The following SYNE1 variants were observed in gnomAD, a reference collection of about 807,000 sequenced individuals.
SYNE1 encodes spectrin repeat containing nuclear envelope protein 1.
Under a neutral mutation model 1,111.0 loss-of-function variants are expected in SYNE1, and 616 were observed. The observed-to-expected ratio is 0.55, with a 90% confidence interval of 0.52 to 0.59. The LOEUF (loss-of-function observed/expected upper bound fraction) is 0.59, where lower values mean the gene tolerates loss of function less well. Among genes scored for constraint, SYNE1 ranks in the 20% least tolerant of loss-of-function variants. SYNE1 has a pLI of 0.00. For missense variants in SYNE1, 10,006 were observed against 10,417.0 expected, an observed-to-expected ratio of 0.96 and a Z score of 1.72; for synonymous variants, 3,855 against 3,825.8, an observed-to-expected ratio of 1.01 and a Z score of -0.28.
At chr6:152,268,218 C>G in intron 99 of SYNE1, 53 bp from the exon 100 acceptor site, 4 of 1,370,646 alleles carry the variant, frequency 2.9e-6, no homozygotes, top group Non-Finnish European at 3.1e-6. Flanking sequence ...ATGATTATTG[C>G]CTACAATCAT....
intron 25 of SYNE1, among the ~76,000 whole-genome samples, chr6:152,452,275 A>G (rs969591336): frequency 2.6e-5 from 4 of 152,146 alleles, no homozygotes; most frequent in African/African-American, 9.7e-5. Context: ...GGGCCTATGG[A>G]AAGTCCCACC....
At chr6:152,309,789 T>C in intron 90 of SYNE1, 46 bp downstream of exon 90, 1 of 1,609,154 alleles carries the variant, frequency 6.2e-7, no homozygotes. Context: ...AAGAAGCCCA[T>C]GATTCATCAG....
intron 3 of SYNE1, among the ~76,000 whole-genome samples, chr6:152,560,806 G>T (rs1489938318): frequency 1.3e-5 from 2 of 152,048 alleles, no homozygotes; most frequent in Non-Finnish European, 2.9e-5. Flanking sequence ...TAGAATGAAA[G>T]ATAAAAGTCG....
intron 127 of SYNE1, among the ~76,000 whole-genome samples, chr6:152,197,543 T>C (rs1043235554): frequency 1.3e-5 from 2 of 152,252 alleles, no homozygotes; most frequent in African/African-American, 4.8e-5. Flanking sequence ...GGCTACAGGA[T>C]AGATATTGTG....
At chr6:152,227,277 T>C (rs1407539683) in intron 115 of SYNE1, among the ~76,000 whole-genome samples, 1 of 152,148 alleles carries the variant, frequency 6.6e-6, no homozygotes, top group African/African-American at 2.4e-5. Flanking sequence ...ATATATAAAA[T>C]ATATTTTAAG....
intron 137 of SYNE1, chr6:152,147,397 C>T (rs1022331701): frequency 2.6e-5 from 4 of 152,396 alleles, no homozygotes; most frequent in South Asian, 4.1e-4. Context: ...CACCTCCCTC[C>T]GCAGATCCTG....
At chr6:152,274,254 A>T (rs1213807701) in intron 98 of SYNE1, among the ~76,000 whole-genome samples, 1 of 152,232 alleles carries the variant, frequency 6.6e-6, no homozygotes, top group Admixed American at 6.5e-5. Flanking sequence ...TGTAAATCCA[A>T]GTGAAAAGTT....
chr6:152,475,898 C>A (rs914137330), intron 14 of SYNE1, among the ~76,000 whole-genome samples: 2 of 152,162 alleles, frequency 1.3e-5, no homozygotes, highest in African/African-American at 4.8e-5. Context: ...ATCACTGTGG[C>A]AATTCTTCTG....
intron 3 of SYNE1, among the ~76,000 whole-genome samples, chr6:152,626,127 T>C (rs996889591): frequency 1.3e-5 from 2 of 152,198 alleles, no homozygotes; most frequent in Non-Finnish European, 2.9e-5. Flanking sequence ...TCATCCATAC[T>C]CTTCACTTTC....
intron 70 of SYNE1, 122 bp from the exon 71 acceptor site, chr6:152,350,892 G>T: frequency 2.5e-6 from 3 of 1,180,696 alleles, no homozygotes; most frequent in Non-Finnish European, 3.7e-6. Flanking sequence ...TATTTATGAA[G>T]CAATAGGTGC....
At position 152,310,428 on chromosome 6, in the gene SYNE1, GACGTCCA is replaced by G; in HGVS notation, c.16980_16986del (p.Gly5661SerfsTer20). On this transcript the variant is annotated frameshift_variant, in exon 89 of 146. Transcript: ENST00000367255. LOFTEE classifies it high-confidence loss of function. ...TGAGAGAGCTGCTCCTTGAGACTGA[GACGTCCA>G]ACTTCTGGAGAAGTCAGTGTTGCCT... 1 of 1,614,178 alleles carries G rather than the reference GACGTCCA, an allele frequency of 6.2e-7. No individual in the cohort carries two copies. Among genetic ancestry groups the G allele is most frequent in the African/African-American group, 1.3e-5 (1 of 75,064 alleles).
At chr6:152,385,650 T>C in intron 55 of SYNE1, 24 bp downstream of exon 55, 1 of 1,613,032 alleles carries the variant, frequency 6.2e-7, no homozygotes. Context: ...GCAATGTAGA[T>C]ATAGCATCTG....
At chr6:152,453,872 ACTAT>A in intron 24 of SYNE1, 152 bp from the exon 25 acceptor site, 1 of 838,314 alleles carries the variant, frequency 1.2e-6, no homozygotes, top group South Asian at 1.5e-5. Flanking sequence ...TTAAGGATGA[ACTAT>A]GTGCACCTAT....
At chr6:152,541,252 C>CATA (rs2099268126) in intron 3 of SYNE1, among the ~76,000 whole-genome samples, 1 of 152,170 alleles carries the variant, frequency 6.6e-6, no homozygotes, top group Admixed American at 6.5e-5. Context: ...TCTTCTCATC[C>CATA]ATAAGCATGG....
rs374482089 is a variant in SYNE1 at position 152,409,672 on chromosome 6, C to G, written c.6268G>C (p.Glu2090Gln). ...ACAGCTGATTTCAGGTTCTGATATTCTCTCATTAAGTCAATAAGTCCACAG... is the reference window on the plus strand; with the variant it reads ...ACAGCTGATTTCAGGTTCTGATATTGTCTCATTAAGTCAATAAGTCCACAG... ...QCCGLIDLMR[E>Q]YQNLKSAVSK... The change falls in exon 43 of 146, where the codon GAA becomes CAA. Residue 2090 changes from glutamate (E) to glutamine (Q), a missense_variant. By Grantham distance (29) the Glu-to-Gln change is conservative. Around this residue, in one of 7 missense-constraint regions of SYNE1, gnomAD observed 4,955 missense variants for 5,017.2 expected, o/e 0.99. Coordinates refer to ENST00000367255, the MANE Select transcript of SYNE1 (RefSeq NM_182961.4). 136 of 1,613,680 alleles carry G rather than the reference C, an allele frequency of 8.4e-5. No individual in the cohort carries two copies. Among genetic ancestry groups the G allele is most frequent in the Non-Finnish European group, 1.1e-4 (132 of 1,179,974 alleles).
chr6:152,537,502 A>T (rs571569259), intron 4 of SYNE1, among the ~76,000 whole-genome samples: 8 of 152,090 alleles, frequency 5.3e-5, no homozygotes, highest in Non-Finnish European at 1.2e-4. Flanking sequence ...TTTAAAAAAC[A>T]GATTGCAATC....
intron 32 of SYNE1, among the ~76,000 whole-genome samples, chr6:152,438,443 T>C (rs567215105): frequency 6.6e-6 from 1 of 152,140 alleles, no homozygotes; most frequent in Non-Finnish European, 1.5e-5. Flanking sequence ...ATGATGGTGA[T>C]AAAAAAACAA....
Position 152,213,732 on chromosome 6 carries a change from ATGT to A in SYNE1, c.22371_22373del (p.Gln7457del), listed in dbSNP as rs1359336884. 1 of 1,614,088 alleles carries A rather than the reference ATGT, an allele frequency of 6.2e-7. No individual in the cohort carries two copies. The highest frequency in any genetic ancestry group is 8.5e-7 in the Non-Finnish European group (1 of 1,179,984). On this transcript the variant is annotated inframe_deletion, in exon 123 of 146. Transcript: ENST00000367255. ...TTTCACATTTTTCCAAGAAAGTCTG[ATGT>A]TGTAGCAAAAATGACTGCAACTTGC...
At chr6:152,498,127 T>G (rs1216705304) in intron 11 of SYNE1, among the ~76,000 whole-genome samples, 2 of 152,232 alleles carry the variant, frequency 1.3e-5, no homozygotes, top group Non-Finnish European at 2.9e-5. Context: ...ACAAATATCC[T>G]TAACCTGTGG....
Sources: gnomAD v4.1 joint callset for allele counts (sites outside exome capture counted in the v4.1 genomes callset) on GRCh38, gnomAD v4.1.1 for gene constraint, gnomAD v4.1.1 regional missense constraint, MANE v1.5 for transcripts, NCBI Gene and HGNC (gene_info 2026-07-23, HGNC 2026-07-21) for gene names.